Variants in DHRS2 observed in about 807,000 individuals in gnomAD.
The protein encoded by DHRS2 is dehydrogenase/reductase SDR family member 2, mitochondrial.
DHRS2 carries 29 observed loss-of-function variants against 26.3 expected under a neutral mutation model. That is an observed-to-expected ratio of 1.10 (90% CI 0.82 to 1.50). DHRS2 has a LOEUF of 1.50. Among genes scored for constraint, DHRS2 ranks in the 40% most tolerant of loss-of-function variants. The pLI, the probability that DHRS2 is intolerant of heterozygous loss-of-function variation, is 0.00. For missense variants in DHRS2, 439 were observed against 367.1 expected, an observed-to-expected ratio of 1.20 and a Z score of -1.60; for synonymous variants, 164 against 151.3, an observed-to-expected ratio of 1.08 and a Z score of -0.62.
chr14:23,632,926 T>C (rs1890161234), upstream of DHRS2, among the ~76,000 whole-genome samples: 1 of 152,308 alleles, frequency 6.6e-6, no homozygotes, highest in East Asian at 1.9e-4. Flanking sequence ...AGTGCCCTGC[T>C]AACTAACCCC....
At chr14:23,645,020 C>A in intron 8 of DHRS2, 122 bp from the exon 9 acceptor site, 1 of 1,558,720 alleles carries the variant, frequency 6.4e-7, no homozygotes, top group Non-Finnish European at 8.8e-7. Context: ...CTGGAGGGTG[C>A]AAGTAGCCCT....
Position 23,639,228 on chromosome 14 carries a change from G to A in DHRS2, c.190G>A (p.Val64Ile), listed in dbSNP as rs1890511755. 6.2e-7 allele frequency: 1 copy of A among 1,613,826 alleles called. No individual in the cohort carries two copies. The highest frequency in any genetic ancestry group is 1.3e-5 in the African/African-American group (1 of 74,938). ...RRLARDGAHV[V>I]ISSRKQQNVD... ...TCTGGCCCGGGACGGGGCCCACGTG[G>A]TCATCAGCAGCCGGAAGCAGCAGAA... Residue 64 changes from valine (V) to isoleucine (I), a missense_variant, in exon 3 of 9, where the codon GTC becomes ATC. Physicochemically the swap from Val to Ile is conservative, Grantham distance 29 (BLOSUM62 3). Transcript: ENST00000250383.
chr14:23,639,813 G>A lies in DHRS2; in HGVS notation c.338G>A (p.Gly113Asp), dbSNP rs1310490932. 4 of 1,609,436 alleles carry A rather than the reference G, an allele frequency of 2.5e-6. No homozygotes were observed. The highest frequency in any genetic ancestry group is 3.4e-6 in the Non-Finnish European group (4 of 1,177,690). ...LVAKALEHCG[G>D]VDFLVCSAGV... is the part of the protein sequence containing the mutation. The stretch of plus-strand genomic sequence containing the variant: ...CCGCAGGCCCTGGAGCACTGTGGGG[G>A]CGTCGACTTCCTGGTGTGCAGCGCA... The change falls in exon 4 of 9, where the codon GGC becomes GAC. Residue 113 changes from glycine (G) to aspartate (D), a missense_variant. Coordinates refer to ENST00000250383, the MANE Select transcript of DHRS2 (RefSeq NM_005794.4).
chr14:23,634,503 A>T (rs974298617), upstream of DHRS2, among the ~76,000 whole-genome samples: 1 of 151,834 alleles, frequency 6.6e-6, no homozygotes, highest in Non-Finnish European at 1.5e-5. Context: ...AGCAATATAG[A>T]ATTGTTTTAC....
intron 5 of DHRS2, 82 bp from the exon 6 acceptor site, chr14:23,644,029 C>T: frequency 7.2e-7 from 1 of 1,381,494 alleles, no homozygotes; most frequent in South Asian, 1.2e-5. Context: ...GTGAGGGTTG[C>T]ATCATTTAAT....
intron 4 of DHRS2, chr14:23,641,703 A>C (rs1890679169): frequency 3.1e-6 from 4 of 1,289,716 alleles, no homozygotes; most frequent in Non-Finnish European, 4.0e-6. Context: ...CATCTGGACC[A>C]CTTCTTGCAG....
chr14:23,639,337 G>C lies in DHRS2; in HGVS notation c.299G>C (p.Arg100Pro). ...IVCHVGKAED[R>P]EQLVAKALEH... ...TGCCACGTGGGGAAGGCTGAGGACC[G>C]GGAGCAGCTGGTGGCCAAGGTGAGG... The change falls in exon 3 of 9, where the codon CGG becomes CCG. Residue 100 changes from arginine to proline, a missense_variant. Physicochemically the swap from Arg to Pro is moderately radical, Grantham distance 103 (BLOSUM62 -2). Coordinates refer to ENST00000250383, the MANE Select transcript of DHRS2 (RefSeq NM_005794.4). 6.4e-7 allele frequency: 1 copy of C among 1,571,168 alleles called. No individual in the cohort carries two copies. Among genetic ancestry groups the C allele is most frequent in the Non-Finnish European group, 8.6e-7 (1 of 1,159,550 alleles).
chr14:23,640,538 G>A, intron 4 of DHRS2: 1 of 633,634 alleles, frequency 1.6e-6, no homozygotes, highest in Non-Finnish European at 2.0e-6. Context: ...AGTGACTTCT[G>A]TTCCCTTCAC....
chr14:23,631,471 C>G (rs907166018), upstream of DHRS2, among the ~76,000 whole-genome samples: 2 of 152,146 alleles, frequency 1.3e-5, no homozygotes, highest in African/African-American at 2.4e-5. Context: ...TTACATTATT[C>G]TCTTTTCTGA....
chr14:23,638,974 G>C lies in DHRS2; in HGVS notation c.110G>C (p.Arg37Pro). 3 of 1,613,730 alleles carry C rather than the reference G, an allele frequency of 1.9e-6. No individual in the cohort carries two copies. Among genetic ancestry groups the C allele is most frequent in the Non-Finnish European group, 2.5e-6 (3 of 1,180,024 alleles). Residue 37 changes from arginine (R) to proline (P), a missense_variant, in exon 2 of 9, where the codon CGG (arginine) becomes CCG (proline). Physicochemically the swap from Arg to Pro is moderately radical, Grantham distance 103 (BLOSUM62 -2). Coordinates refer to ENST00000250383, the MANE Select transcript of DHRS2 (RefSeq NM_005794.4). ...GIDRKGVLAN[R>P]VAVVTGSTSG... ...GACAGGAAGGGCGTCCTGGCTAACC[G>C]GGTAGCCGTGGTCACGGGGTCCACC...
At chr14:23,639,382 A>G (rs1331805607) in intron 3 of DHRS2, 26 bp downstream of exon 3, 18 of 1,548,558 alleles carry the variant, frequency 1.2e-5, no homozygotes, top group Admixed American at 6.0e-5. Context: ...GTGGAAGGAC[A>G]CAGAGAGGGG....
chr14:23,637,037 C>T (rs1412374299), intron 1 of DHRS2, among the ~76,000 whole-genome samples: 2 of 152,194 alleles, frequency 1.3e-5, no homozygotes, highest in Admixed American at 6.5e-5. Context: ...GAAAGCCATT[C>T]AGCTCCGGAG....
chr14:23,634,039 A>T (rs1281396850), upstream of DHRS2, among the ~76,000 whole-genome samples: 4 of 148,932 alleles, frequency 2.7e-5, no homozygotes, highest in East Asian at 7.9e-4. Flanking sequence ...GCACGCTAGA[A>T]GCTCTTTAGT....
intron 6 of DHRS2, 95 bp from the exon 7 acceptor site, chr14:23,644,299 ATGTGGGTGGGAGGGC>A: frequency 1.3e-6 from 2 of 1,564,430 alleles, no homozygotes; most frequent in Non-Finnish European, 1.8e-6. Flanking sequence ...GCTTGTCTCC[ATGTGGGTGGGAGGGC>A]TGCTGGGCCT....
intron 5 of DHRS2, 45 bp from the exon 6 acceptor site, chr14:23,644,066 G>A: frequency 6.3e-7 from 1 of 1,592,666 alleles, no homozygotes; most frequent in Non-Finnish European, 8.6e-7. Context: ...CACCATCAGT[G>A]GTAAGCTCTT....
intron 7 of DHRS2, 65 bp downstream of exon 7, chr14:23,644,608 G>A: frequency 1.2e-6 from 2 of 1,611,364 alleles, no homozygotes; most frequent in Non-Finnish European, 1.7e-6. Flanking sequence ...CAGTGAATAA[G>A]GGATCAAGGG....
At position 23,645,556 on chromosome 14, in the gene DHRS2, C is replaced by G. The variant is rs1890844863; in HGVS notation, c.*303C>G. On this transcript the variant is annotated 3_prime_UTR_variant, in exon 9 of 9. Coordinates refer to ENST00000250383, the MANE Select transcript of DHRS2 (RefSeq NM_005794.4). ...TAAGGGAAAGGAGTAGAAGCTCAGG[C>G]CTTTGAAGGATTTCAGCTCCTCCTC... 2.2e-6 allele frequency: 1 copy of G among 454,910 alleles called. No homozygotes were observed. Among genetic ancestry groups the G allele is most frequent in the Non-Finnish European group, 3.9e-6 (1 of 257,798 alleles). 28.2% of individuals were successfully genotyped at this position (454,910 alleles called of 1,614,324 possible).
chr14:23,632,235 A>C (rs889440324), upstream of DHRS2, among the ~76,000 whole-genome samples: 16 of 152,326 alleles, frequency 1.1e-4, no homozygotes, highest in African/African-American at 3.1e-4. Context: ...CTCGCAGCAG[A>C]AGGAGAGGAG....
chr14:23,643,921 A>G, intron 5 of DHRS2, 190 bp from the exon 6 acceptor site: 1 of 619,220 alleles, frequency 1.6e-6, no homozygotes, highest in Non-Finnish European at 2.9e-6. Context: ...TAGGCATGGA[A>G]TCCTAGCTCT....
Sources: allele counts gnomAD v4.1 joint callset (sites outside exome capture counted in the v4.1 genomes callset), GRCh38; gene constraint gnomAD v4.1.1; transcripts MANE v1.5; gene names NCBI Gene and HGNC (gene_info 2026-07-23, HGNC 2026-07-21).